ERC2: variants seen among roughly 807,000 people sequenced by gnomAD.
ERC2 encodes the protein ELKS/RAB6-interacting/CAST family member 2.
Under a neutral mutation model 114.8 loss-of-function variants are expected in ERC2, and 42 were observed. That is an observed-to-expected ratio of 0.37 (90% CI 0.29 to 0.47). The LOEUF is 0.47. ERC2 is among the 20% of genes least tolerant of loss of function. ERC2 has a pLI of 0.99. For missense variants in ERC2, 939 were observed against 1,150.7 expected (o/e 0.82, Z 2.66); for synonymous variants, 454 against 425.5 (o/e 1.07, Z -0.82).
intron 14 of ERC2, among the ~76,000 whole-genome samples, chr3:55,875,724 ACT>A (rs71887711): frequency 0.086 from 12,051 of 140,760 alleles, 553 homozygotes; most frequent in South Asian, 0.13. Context: ...ACACACACAC[ACT>A]CTCTCTCTCT....
chr3:55,950,629 C>A, intron 12 of ERC2, 69 bp from the exon 13 acceptor site: 1 of 1,557,206 alleles, frequency 6.4e-7, no homozygotes, highest in Non-Finnish European at 8.8e-7. Flanking sequence ...CAAATAGATT[C>A]AGGAAGTACT....
Position 56,215,945 on chromosome 3 carries a change from C to T in ERC2, c.1075-42425G>A, listed in dbSNP as rs1295804527. 3.9e-5 allele frequency among the ~76,000 whole-genome samples: 6 copies of T among 151,968 alleles called. No homozygotes were observed. The South Asian group carries it at 1.0e-3, about 26-fold the overall frequency. Reference sequence around the variant, plus strand: ...AAATAAAGATGTTCTTTGAAACCAACGAGAACAAAGACACAACATACCAGA... The same window carrying T: ...AAATAAAGATGTTCTTTGAAACCAATGAGAACAAAGACACAACATACCAGA... On this transcript the variant is annotated intron_variant, in intron 3 of 17. Transcript: ENST00000288221.
chr3:56,278,551 G>C (rs1446908904), intron 3 of ERC2, among the ~76,000 whole-genome samples: 1 of 152,180 alleles, frequency 6.6e-6, no homozygotes, highest in Non-Finnish European at 1.5e-5. Context: ...ACTTTAGTTT[G>C]GTTAATGGTA....
intron 3 of ERC2, among the ~76,000 whole-genome samples, chr3:56,277,030 AGG>A (rs2054050376): frequency 6.6e-6 from 1 of 152,186 alleles, no homozygotes; most frequent in Non-Finnish European, 1.5e-5. Context: ...CCTCATCCCT[AGG>A]GACCAAACGC....
chr3:56,348,950 AGG>A (rs1160211902), intron 2 of ERC2, among the ~76,000 whole-genome samples: 31 of 138,702 alleles, frequency 2.2e-4, no homozygotes, highest in Non-Finnish European at 4.5e-4. Flanking sequence ...GAAGGAAGGA[AGG>A]AAGGAAAGAA....
intron 14 of ERC2, among the ~76,000 whole-genome samples, chr3:55,784,568 C>G (rs1279516193): frequency 6.6e-6 from 1 of 152,260 alleles, no homozygotes; most frequent in South Asian, 2.1e-4. Flanking sequence ...CATGGTTTGG[C>G]CAGTGTTTTG....
At chr3:55,822,697 C>T (rs1387284237) in intron 14 of ERC2, among the ~76,000 whole-genome samples, 2 of 148,974 alleles carry the variant, frequency 1.3e-5, no homozygotes, top group African/African-American at 5.0e-5. Context: ...CCCCGAGTAG[C>T]TGGGACTACA....
intron 14 of ERC2, among the ~76,000 whole-genome samples, chr3:55,750,862 A>C (rs1488634622): frequency 1.3e-5 from 2 of 152,180 alleles, no homozygotes; most frequent in Non-Finnish European, 2.9e-5. Context: ...CATTATGTGT[A>C]AGTTGTTTTC....
chr3:55,742,366 A>G (rs748769088), intron 14 of ERC2, among the ~76,000 whole-genome samples: 2 of 152,222 alleles, frequency 1.3e-5, no homozygotes, highest in Non-Finnish European at 2.9e-5. Flanking sequence ...TAATTTCAGG[A>G]GTTGCAAATG....
chr3:55,829,372 G>A (rs1001180648), intron 14 of ERC2, among the ~76,000 whole-genome samples: 5 of 152,030 alleles, frequency 3.3e-5, no homozygotes, highest in African/African-American at 1.2e-4. Context: ...AAAAATTGTT[G>A]GATATCTCAA....
intron 17 of ERC2, among the ~76,000 whole-genome samples, chr3:55,662,012 T>C (rs2061159702): frequency 6.6e-6 from 1 of 152,180 alleles, no homozygotes; most frequent in Non-Finnish European, 1.5e-5. Flanking sequence ...AAGGTTTTTA[T>C]ATATGAAGCT....
intron 3 of ERC2, among the ~76,000 whole-genome samples, chr3:56,243,755 T>C (rs893822586): frequency 1.3e-5 from 2 of 152,200 alleles, no homozygotes; most frequent in Admixed American, 6.5e-5. Flanking sequence ...GGCTGTATTG[T>C]CCATGCTCTA....
intron 6 of ERC2, among the ~76,000 whole-genome samples, chr3:56,091,746 G>C (rs2077804003): frequency 6.6e-6 from 1 of 152,146 alleles, no homozygotes; most frequent in Admixed American, 6.5e-5. Flanking sequence ...TTTGCTATAA[G>C]GTCTCTTCCT....
intron 6 of ERC2, among the ~76,000 whole-genome samples, chr3:56,114,542 G>T (rs1257143243): frequency 6.6e-6 from 1 of 152,050 alleles, no homozygotes; most frequent in East Asian, 1.9e-4. Flanking sequence ...GCCAAGAGGG[G>T]GTTCCATTCA....
At chr3:55,917,872 T>C (rs1323114346) in intron 13 of ERC2, among the ~76,000 whole-genome samples, 1 of 152,176 alleles carries the variant, frequency 6.6e-6, no homozygotes, top group Admixed American at 6.5e-5. Context: ...AGCTAGATGA[T>C]TAATTCTCAT....
chr3:56,297,469 G>A (rs1454446519), intron 2 of ERC2, among the ~76,000 whole-genome samples: 1 of 152,200 alleles, frequency 6.6e-6, no homozygotes, highest in East Asian at 1.9e-4. Flanking sequence ...AAGCACCAGA[G>A]AAACAAAATA....
intron 13 of ERC2, among the ~76,000 whole-genome samples, chr3:55,904,552 C>T (rs996696295): frequency 3.3e-5 from 5 of 152,050 alleles, no homozygotes; most frequent in Admixed American, 6.5e-5. Context: ...TTGCTACAAA[C>T]TTAATGTCCA....
chr3:55,512,688 A>C (rs915238973), intron 17 of ERC2, among the ~76,000 whole-genome samples: 9 of 152,250 alleles, frequency 5.9e-5, no homozygotes, highest in African/African-American at 2.2e-4. Flanking sequence ...GTAGCAAAGA[A>C]CAGTCATTTA....
At chr3:55,599,968 A>G (rs1244403551) in intron 17 of ERC2, among the ~76,000 whole-genome samples, 2 of 152,180 alleles carry the variant, frequency 1.3e-5, no homozygotes, top group Non-Finnish European at 2.9e-5. Context: ...TGAGGCACCG[A>G]GGCAGAAGAC....
Sources: allele counts gnomAD v4.1 joint callset (sites outside exome capture counted in the v4.1 genomes callset), GRCh38; gene constraint gnomAD v4.1.1; transcripts MANE v1.5; gene names NCBI Gene and HGNC (gene_info 2026-07-23, HGNC 2026-07-21).